Variants in DGKK observed in about 807,000 individuals in gnomAD.
The protein encoded by DGKK is diacylglycerol kinase kappa.
In DGKK, 35 loss-of-function variants were observed where a neutral mutation model predicts 92.2. That is an observed-to-expected ratio of 0.38 (90% CI 0.29 to 0.50). DGKK has a LOEUF of 0.50. DGKK is among the 20% of genes least tolerant of loss of function. The pLI is 0.92. For synonymous variants in DGKK, 368 were observed against 360.6 expected, an observed-to-expected ratio of 1.02 and a Z score of -0.23; for missense variants, 910 against 992.2, an observed-to-expected ratio of 0.92 and a Z score of 1.11.
intron 10 of DGKK, 79 bp downstream of exon 10, chrX:50,392,262 C>T: frequency 1.3e-6 from 1 of 743,743 alleles, no homozygotes; most frequent in Non-Finnish European, 2.1e-6. Context: ...AGGGCGAAGA[C>T]TTGGGACTTC....
chrX:50,391,408 C>G (rs782053119), intron 11 of DGKK, 29 bp downstream of exon 11: 2 of 1,204,329 alleles, frequency 1.7e-6, no homozygotes, highest in Non-Finnish European at 2.2e-6. Flanking sequence ...CAGGAAGAGG[C>G]ACAAGGGCCT....
chrX:50,417,682 C>T (rs782377440), intron 4 of DGKK, among the ~76,000 whole-genome samples: 27 of 110,983 alleles, frequency 2.4e-4, no homozygotes, highest in Non-Finnish European at 2.3e-4. Flanking sequence ...CCCTTTCTAT[C>T]CTCATTCTGG....
chrX:50,400,895 A>T, intron 8 of DGKK, 142 bp downstream of exon 8: 1 of 507,856 alleles, frequency 2.0e-6, no homozygotes, highest in Non-Finnish European at 3.4e-6. Context: ...ACCAGGAGCT[A>T]TCTATATACA....
intron 4 of DGKK, among the ~76,000 whole-genome samples, chrX:50,412,934 C>T (rs782696719): frequency 6.2e-4 from 69 of 111,408 alleles, no homozygotes; most frequent in Non-Finnish European, 1.1e-3. Flanking sequence ...GTGAGCATTA[C>T]TGCCTGAGCT....
At chrX:50,456,871 C>T (rs1926624192) in intron 1 of DGKK, among the ~76,000 whole-genome samples, 1 of 111,500 alleles carries the variant, frequency 9.0e-6, no homozygotes, top group Non-Finnish European at 1.9e-5. Context: ...CTATGGGAAC[C>T]CTAGGTTCTG....
chrX:50,445,496 T>C (rs1255774678), intron 1 of DGKK, among the ~76,000 whole-genome samples: 1 of 111,525 alleles, frequency 9.0e-6, no homozygotes, highest in Non-Finnish European at 1.9e-5. Context: ...ATCTTCTGCA[T>C]ATAACTAGCC....
At chrX:50,447,324 A>C (rs1327616410) in intron 1 of DGKK, among the ~76,000 whole-genome samples, 1 of 20,939 alleles carries the variant, frequency 4.8e-5, no homozygotes, top group African/African-American at 1.8e-4. Context: ...GTGTGTGTGT[A>C]TGTATATATA....
In DGKK at chrX:50,463,977, T is replaced by G. The variant is rs782762545; in HGVS notation, c.645+6057A>C. Among the ~76,000 whole-genome samples the G allele has an allele frequency of 1.7e-3, 192 of 110,467 alleles. 2 individuals carry two copies. The highest frequency in any genetic ancestry group is 6.0e-3 in the African/African-American group (182 of 30,569). ...CTTTTGGTAAATTATATAAATATAT[T>G]AAATTATCACATGTTCCCTGAAAAT... On this transcript the variant is annotated intron_variant, in intron 1 of 27. Transcript: ENST00000611977.
chrX:50,380,050 A>AT lies in DGKK; in HGVS notation c.2684dup (p.Tyr895Ter). 8.3e-7 allele frequency: 1 copy of AT among 1,211,688 alleles called. No individual in the cohort carries two copies. Among genetic ancestry groups the AT allele is most frequent in the Non-Finnish European group, 1.1e-6 (1 of 895,172 alleles). Residue 895 changes from tyrosine to a stop codon, truncating the protein, a stop_gained and frameshift_variant, in exon 19 of 28, where the codon TAT becomes TAAT. Coordinates refer to ENST00000611977, the MANE Select transcript of DGKK (RefSeq NM_001013742.4). LOFTEE classifies it high-confidence loss of function. ...AAAGTTCTTTGGTTCCCAGAAGGCC[A>AT]TACCACATCTTGTTCTTAAGGCGGC... The part of the protein sequence containing the change: ...YNSRLKNKMW[Y>*]GLLGTKELLQ...
chrX:50,406,704 T>C (rs782772348), intron 4 of DGKK, among the ~76,000 whole-genome samples: 1 of 112,036 alleles, frequency 8.9e-6, no homozygotes, highest in African/African-American at 3.2e-5. Context: ...CAAAGAAAGA[T>C]CCTTCCCTAG....
At position 50,470,611 on chromosome X, in the gene DGKK, G is replaced by A. The variant is rs959340567; in HGVS notation, c.68C>T (p.Ser23Phe). ...PPQDGEQPAE[S>F]PEPPPPWPPP... is the part of the protein sequence containing the mutation. The stretch of plus-strand genomic sequence containing the variant: ...CGGCCAAGGCGGCGGAGGCTCTGGA[G>A]ACTCAGCGGGCTGCTCTCCATCCTG... Residue 23 changes from serine to phenylalanine, a missense_variant, in exon 1 of 28, where the codon TCT (serine) becomes TTT (phenylalanine). By Grantham distance (155) the Ser-to-Phe change is radical. Coordinates refer to ENST00000611977, the MANE Select transcript of DGKK (RefSeq NM_001013742.4). The A allele has an allele frequency of 2.5e-6, 3 of 1,177,936 alleles. No homozygotes were observed. Among genetic ancestry groups the A allele is most frequent in the Non-Finnish European group, 3.4e-6 (3 of 882,946 alleles).
At chrX:50,458,391 T>G (rs1407808834) in intron 1 of DGKK, among the ~76,000 whole-genome samples, 3 of 109,988 alleles carry the variant, frequency 2.7e-5, no homozygotes, top group Non-Finnish European at 5.7e-5. Flanking sequence ...ATTTTCATCA[T>G]GGTTTCTTAT....
chrX:50,470,007 C>G, intron 1 of DGKK, 27 bp downstream of exon 1: 1 of 1,164,535 alleles, frequency 8.6e-7, no homozygotes, highest in Non-Finnish European at 1.1e-6. Flanking sequence ...TGCTTCTTTT[C>G]CCCGCTTCAG....
intron 1 of DGKK, among the ~76,000 whole-genome samples, chrX:50,460,690 A>G (rs1377081501): frequency 8.9e-6 from 1 of 111,844 alleles, no homozygotes; most frequent in African/African-American, 3.3e-5. Flanking sequence ...TAAATTACTG[A>G]TTCAGCCTTG....
At chrX:50,423,110 T>C (rs1427749854) in intron 2 of DGKK, among the ~76,000 whole-genome samples, 2 of 112,350 alleles carry the variant, frequency 1.8e-5, no homozygotes, top group African/African-American at 6.5e-5. Context: ...GTTTAATGCT[T>C]TGTTGTTGTC....
chrX:50,417,340 A>G (rs532153938), intron 4 of DGKK, among the ~76,000 whole-genome samples: 45 of 110,085 alleles, frequency 4.1e-4, no homozygotes, highest in South Asian at 1.2e-3. Flanking sequence ...CTTTTTTGCA[A>G]GAAACTTAGT....
At chrX:50,456,944 A>G (rs1557232936) in intron 1 of DGKK, among the ~76,000 whole-genome samples, 1 of 111,810 alleles carries the variant, frequency 8.9e-6, no homozygotes, top group Non-Finnish European at 1.9e-5. Context: ...AGCTGAGTTA[A>G]TGGCACATCA....
intron 8 of DGKK, among the ~76,000 whole-genome samples, chrX:50,399,979 T>C (rs1322443917): frequency 8.9e-6 from 1 of 112,032 alleles, no homozygotes; most frequent in Non-Finnish European, 1.9e-5. Flanking sequence ...AGATATTTAG[T>C]TGCCCAAGAA....
intron 4 of DGKK, among the ~76,000 whole-genome samples, chrX:50,405,910 A>T (rs1221328517): frequency 9.0e-6 from 1 of 111,586 alleles, no homozygotes; most frequent in African/African-American, 3.3e-5. Context: ...TCTACTCCCC[A>T]AGTCACTAGA....
Sources: gnomAD v4.1 joint callset for allele counts (sites outside exome capture counted in the v4.1 genomes callset) on GRCh38, gnomAD v4.1.1 for gene constraint, MANE v1.5 for transcripts, NCBI Gene and HGNC (gene_info 2026-07-23, HGNC 2026-07-21) for gene names.